The following CUBN variants were observed in gnomAD, a reference collection of about 807,000 sequenced individuals.
CUBN encodes 460 kDa receptor.
In CUBN, 282 loss-of-function variants were observed where a neutral mutation model predicts 405.3. That is an observed-to-expected ratio of 0.70 (90% CI 0.63 to 0.77). The LOEUF (loss-of-function observed/expected upper bound fraction) is 0.77, where lower values mean the gene tolerates loss of function less well. Among genes scored for constraint, CUBN ranks in the 30% least tolerant of loss-of-function variants. The probability of loss-of-function intolerance (pLI) is 0.00; values close to 1 mark genes in which losing one functional copy is unlikely to be tolerated. For missense variants in CUBN, 4,514 were observed against 4,475.2 expected (o/e 1.01, Z -0.25); for synonymous variants, 1,684 against 1,617.0 (o/e 1.04, Z -0.99).
In CUBN at chr10:17,103,198, C is replaced by A. The variant is rs1189494759; in HGVS notation, c.1457G>T (p.Ser486Ile). Residue 486 changes from serine (S) to isoleucine (I), a missense_variant, in exon 13 of 67, where the codon AGC (serine) becomes ATC (isoleucine). This residue lies in a region of CUBN where 1,448 missense variants were observed against 1,388.0 expected (regional missense o/e 1.04). Transcript: ENST00000377833. ...ATAACCAACATCCGGGCTCCTGTAG[C>A]TGAAGCTTCCATTTATTCCTGAGAG... ...ESLSGINGSFSYRSPDVGYVH... is the reference protein window; with the variant it reads ...ESLSGINGSFIYRSPDVGYVH... The A allele has an allele frequency of 6.2e-7, 1 of 1,613,854 alleles. No homozygotes were observed. Among genetic ancestry groups the A allele is most frequent in the Non-Finnish European group, 8.5e-7 (1 of 1,179,782 alleles).
intron 31 of CUBN, among the ~76,000 whole-genome samples, chr10:16,971,946 C>T (rs1470602928): frequency 6.6e-6 from 1 of 152,006 alleles, no homozygotes; most frequent in Non-Finnish European, 1.5e-5. Context: ...GACCTTGAGT[C>T]TTCCACCACC....
intron 22 of CUBN, among the ~76,000 whole-genome samples, chr10:17,051,543 T>C (rs992955646): frequency 6.6e-6 from 1 of 151,880 alleles, no homozygotes; most frequent in Non-Finnish European, 1.5e-5. Flanking sequence ...GTGCAAAGAC[T>C]TAAAGAAAAA....
intron 58 of CUBN, among the ~76,000 whole-genome samples, chr10:16,872,166 G>C (rs1840374923): frequency 6.6e-6 from 1 of 152,080 alleles, no homozygotes; most frequent in Non-Finnish European, 1.5e-5. Context: ...CTTGAACCCA[G>C]CAGGTGGAGG....
chr10:16,884,857 C>T (rs1029192411), intron 56 of CUBN, among the ~76,000 whole-genome samples: 2 of 152,174 alleles, frequency 1.3e-5, no homozygotes, highest in African/African-American at 4.8e-5. Flanking sequence ...ACCAAGATGA[C>T]AGATCTAGAA....
rs751696833 is a variant in CUBN at position 16,825,051 on chromosome 10, G to A, written c.10796C>T (p.Ser3599Leu). 1 of 1,613,644 alleles carries A rather than the reference G, an allele frequency of 6.2e-7. No homozygotes were observed. Among genetic ancestry groups the A allele is most frequent in the Non-Finnish European group, 8.5e-7 (1 of 1,179,766 alleles). The change falls in exon 67 of 67, where the codon TCA becomes TTA. Residue 3599 changes from serine (S) to leucine (L), a missense_variant. Transcript: ENST00000377833. The stretch of plus-strand genomic sequence containing the variant: ...ATGAAATTTTATGAAGACCTGATTT[G>A]AGGAAGCCACGAAGGGAGCTATGCT... ...DTSIAPFVAS[S>L]NQVFIKFHAD...
At chr10:16,855,014 CTT>C (rs1417368769) in intron 59 of CUBN, among the ~76,000 whole-genome samples, 42 of 136,002 alleles carry the variant, frequency 3.1e-4, no homozygotes, top group Non-Finnish European at 5.8e-4. Context: ...CTCTCTCTCT[CTT>C]TCTCTCTCTC....
chr10:16,949,672 C>A (rs1260359670), intron 34 of CUBN, among the ~76,000 whole-genome samples: 1 of 151,840 alleles, frequency 6.6e-6, no homozygotes, highest in African/African-American at 2.4e-5. Context: ...AGAACTTGGT[C>A]AAATATTAAC....
chr10:17,071,964 T>G lies in CUBN; in HGVS notation c.2309A>C (p.Asp770Ala). The G allele has an allele frequency of 6.2e-7, 1 of 1,611,684 alleles. No homozygotes were observed. Among genetic ancestry groups the G allele is most frequent in the Non-Finnish European group, 8.5e-7 (1 of 1,178,934 alleles). The change falls in exon 18 of 67, where the codon GAT becomes GCT. Residue 770 changes from aspartate to alanine, a missense_variant. Coordinates refer to ENST00000377833, the MANE Select transcript of CUBN (RefSeq NM_001081.4). Reference protein sequence around the residue: ...DSSQNYIEVRDGETLLGKVCG... With the variant: ...DSSQNYIEVRAGETLLGKVCG... ...GACTTTTCCAAGTAAGGTTTCACCATCTCGAACCTAAAGAGAAAAATAAAA... is the reference window on the plus strand; with the variant it reads ...GACTTTTCCAAGTAAGGTTTCACCAGCTCGAACCTAAAGAGAAAAATAAAA...
At position 16,835,035 on chromosome 10, in the gene CUBN, T is replaced by C; in HGVS notation, c.10341A>G (p.Glu3447=). The stretch of plus-strand genomic sequence containing the variant: ...TCACCTCCAAGAAATCGTTTCTGCA[T>C]TCAACTGAGTTCTCGATGCCAAGTG... The part of the protein sequence containing the change: ...FHSLGIENSV[E]CRNDFLEVRN... Residue 3447 remains glutamate, a synonymous_variant, in exon 64 of 67, where the codon GAA becomes GAG. Transcript: ENST00000377833. The C allele has an allele frequency of 1.2e-6, 2 of 1,614,158 alleles. No homozygotes were observed. The highest frequency in any genetic ancestry group is 2.2e-5 in the East Asian group (1 of 44,880).
Position 16,835,201 on chromosome 10 carries a change from AG to A in CUBN, c.10181-7del. On this transcript the variant is annotated splice_region_variant and splice_polypyrimidine_tract_variant and intron_variant, in intron 63 of 66. Coordinates refer to ENST00000377833, the MANE Select transcript of CUBN (RefSeq NM_001081.4). The stretch of plus-strand genomic sequence containing the variant: ...GTGATAGTCTCTGTTGCAATCTTAG[AG>A]GAAAAATAGGCATAATTAATGTACG... 1 of 1,609,856 alleles carries A rather than the reference AG, an allele frequency of 6.2e-7. No individual in the cohort carries two copies. The highest frequency in any genetic ancestry group is 2.2e-5 in the East Asian group (1 of 44,868).
intron 63 of CUBN, among the ~76,000 whole-genome samples, chr10:16,835,981 A>G (rs1839156130): frequency 6.6e-6 from 1 of 152,238 alleles, no homozygotes; most frequent in African/African-American, 2.4e-5. Flanking sequence ...TTTTAAAATC[A>G]ACTACATATA....
rs886523834 is a variant in CUBN at position 17,004,583 on chromosome 10, C to T, written c.4169-14068G>A. On this transcript the variant is annotated intron_variant, in intron 28 of 66. Coordinates refer to ENST00000377833, the MANE Select transcript of CUBN (RefSeq NM_001081.4). ...CACCAAATCATACACCGCAGGAAAA[C>T]GGGAGCTATCCATGATTCCTTCTTC... Among the ~76,000 whole-genome samples the T allele has an allele frequency of 3.9e-5, 6 of 151,946 alleles. No individual in the cohort carries two copies. In the East Asian group the frequency reaches 9.6e-4, roughly 24 times the overall value.
intron 31 of CUBN, among the ~76,000 whole-genome samples, chr10:16,971,151 A>AAT (rs1251858349): frequency 6.6e-6 from 1 of 152,210 alleles, no homozygotes; most frequent in Non-Finnish European, 1.5e-5. Flanking sequence ...CTGGCAACTG[A>AAT]ATATTTTTCT....
At chr10:17,110,812 T>G in intron 9 of CUBN, 107 bp downstream of exon 9, 1 of 1,538,286 alleles carries the variant, frequency 6.5e-7, no homozygotes, top group South Asian at 1.1e-5. Flanking sequence ...CATGAGCAAC[T>G]GCACTCAGCC....
chr10:16,988,239 C>T (rs1281538599), intron 29 of CUBN, among the ~76,000 whole-genome samples: 2 of 152,218 alleles, frequency 1.3e-5, no homozygotes, highest in Non-Finnish European at 2.9e-5. Context: ...TTGCACATAG[C>T]TGTGGAAGAT....
At chr10:17,108,461 T>C (rs1221609879) in intron 10 of CUBN, among the ~76,000 whole-genome samples, 1 of 151,964 alleles carries the variant, frequency 6.6e-6, no homozygotes, top group Admixed American at 6.6e-5. Context: ...GACAAATTAA[T>C]AAAAAATAAA....
At chr10:16,984,951 G>T (rs1397805808) in intron 29 of CUBN, among the ~76,000 whole-genome samples, 2 of 152,086 alleles carry the variant, frequency 1.3e-5, no homozygotes, top group Non-Finnish European at 1.5e-5. Context: ...CTCCCAGCAC[G>T]CCCATGCCCA....
intron 59 of CUBN, among the ~76,000 whole-genome samples, chr10:16,864,011 C>T (rs1440573269): frequency 1.3e-5 from 2 of 151,952 alleles, no homozygotes; most frequent in African/African-American, 4.8e-5. Flanking sequence ...GCTTACCCAA[C>T]AATTATATAA....
At position 16,915,803 on chromosome 10, in the gene CUBN, C is replaced by T. The variant is rs1338527628; in HGVS notation, c.7210+18G>A. On this transcript the variant is annotated intron_variant, in intron 46 of 66. Coordinates refer to ENST00000377833, the MANE Select transcript of CUBN (RefSeq NM_001081.4). ...GTGAAAATAAACACCCAAAAGAGAG[C>T]AGATATATTTTACTAACCAGAGGTA... The T allele has an allele frequency of 1.9e-6, 3 of 1,589,052 alleles. No homozygotes were observed. The African/African-American group carries it at 4.0e-5, about 21-fold the overall frequency.
Sources: allele counts gnomAD v4.1 joint callset (sites outside exome capture counted in the v4.1 genomes callset), GRCh38; gene constraint gnomAD v4.1.1; regional missense constraint gnomAD v4.1.1; transcripts MANE v1.5; gene names NCBI Gene and HGNC (gene_info 2026-07-23, HGNC 2026-07-21).